MDGA2: variants seen among roughly 807,000 people sequenced by gnomAD.
MDGA2 encodes the protein MAM domain-containing glycosylphosphatidylinositol anchor protein 2.
A neutral mutation model predicts 117.8 loss-of-function variants in MDGA2; 40 were observed. The ratio of observed to expected loss-of-function variants is 0.34; its 90% CI spans 0.26 to 0.44. MDGA2 has a LOEUF of 0.44. Among genes scored for constraint, MDGA2 ranks in the 20% least tolerant of loss-of-function variants. MDGA2 has a pLI of 1.00. For missense variants in MDGA2, 1,123 were observed against 1,250.6 expected (o/e 0.90, Z 1.54); for synonymous variants, 452 against 439.0 (o/e 1.03, Z -0.37).
chr14:47,123,055 A>G (rs1881731441), intron 5 of MDGA2, among the ~76,000 whole-genome samples: 1 of 152,086 alleles, frequency 6.6e-6, no homozygotes, highest in South Asian at 2.1e-4. Flanking sequence ...GATGTTTGCT[A>G]AAACACAGAT....
At chr14:47,229,719 T>A (rs556000541) in intron 2 of MDGA2, among the ~76,000 whole-genome samples, 2 of 151,626 alleles carry the variant, frequency 1.3e-5, no homozygotes, top group East Asian at 3.9e-4. Flanking sequence ...AAAAAAAAAA[T>A]TAAACTGGGC....
chr14:46,929,624 TA>T (rs1566530277), intron 9 of MDGA2, among the ~76,000 whole-genome samples: 1,149 of 34,120 alleles, frequency 0.034, 205 homozygotes, highest in Non-Finnish European at 0.057. Context: ...TATATATATA[TA>T]TATATATATA....
At chr14:46,994,560 A>G (rs959031161) in intron 8 of MDGA2, among the ~76,000 whole-genome samples, 6 of 152,044 alleles carry the variant, frequency 3.9e-5, no homozygotes, top group Non-Finnish European at 5.9e-5. Context: ...ACTCAAATAC[A>G]TAAACACAGA....
chr14:47,162,417 C>G (rs1207993774), intron 3 of MDGA2, among the ~76,000 whole-genome samples: 2 of 152,086 alleles, frequency 1.3e-5, no homozygotes, highest in Non-Finnish European at 2.9e-5. Context: ...GAGTTGCTGT[C>G]TTCTTCTTTA....
chr14:47,465,598 A>G (rs1893587089), intron 1 of MDGA2, among the ~76,000 whole-genome samples: 1 of 152,214 alleles, frequency 6.6e-6, no homozygotes, highest in Non-Finnish European at 1.5e-5. Flanking sequence ...ATTACTGATC[A>G]TTAGAGAAAT....
intron 2 of MDGA2, among the ~76,000 whole-genome samples, chr14:47,278,376 G>T (rs147906487): frequency 6.9e-6 from 1 of 145,292 alleles, no homozygotes; most frequent in South Asian, 2.3e-4. Context: ...ATCAGATCAG[G>T]GTCATGAAGC....
intron 7 of MDGA2, 110 bp downstream of exon 7, chr14:47,061,139 T>C: frequency 9.9e-7 from 1 of 1,010,520 alleles, no homozygotes; most frequent in Non-Finnish European, 1.4e-6. Flanking sequence ...ATTTTGTTTT[T>C]AGGAAACTTA....
intron 1 of MDGA2, among the ~76,000 whole-genome samples, chr14:47,428,832 A>G (rs1257751284): frequency 6.6e-6 from 1 of 152,102 alleles, no homozygotes; most frequent in Middle Eastern, 3.2e-3. Flanking sequence ...ACACACACAC[A>G]CATACAAAAT....
chr14:47,518,757 T>A (rs1894807356), intron 1 of MDGA2, among the ~76,000 whole-genome samples: 1 of 152,214 alleles, frequency 6.6e-6, no homozygotes, highest in Non-Finnish European at 1.5e-5. Flanking sequence ...AGTATCAGTC[T>A]GCTTTATATA....
chr14:47,306,378 T>C (rs573281189), intron 1 of MDGA2, among the ~76,000 whole-genome samples: 14 of 152,244 alleles, frequency 9.2e-5, no homozygotes, highest in East Asian at 3.9e-4. Flanking sequence ...GCCCAATTCA[T>C]TGGGGGTGGA....
At chr14:47,047,046 G>A (rs1162343361) in intron 7 of MDGA2, among the ~76,000 whole-genome samples, 1 of 151,982 alleles carries the variant, frequency 6.6e-6, no homozygotes, top group Non-Finnish European at 1.5e-5. Context: ...AATATGCCTA[G>A]GACTAGGGGC....
At chr14:47,323,305 A>T (rs549994481) in intron 1 of MDGA2, among the ~76,000 whole-genome samples, 1 of 151,648 alleles carries the variant, frequency 6.6e-6, no homozygotes, top group African/African-American at 2.4e-5. Flanking sequence ...AGTAGATGTG[A>T]TGAAATTGAT....
chr14:47,033,495 G>A (rs1266738332), intron 8 of MDGA2, among the ~76,000 whole-genome samples: 2 of 152,034 alleles, frequency 1.3e-5, no homozygotes, highest in African/African-American at 4.8e-5. Flanking sequence ...GTCACTTAAG[G>A]GTATCTCATT....
intron 3 of MDGA2, among the ~76,000 whole-genome samples, chr14:47,181,737 C>G (rs542721233): frequency 9.9e-5 from 15 of 152,112 alleles, no homozygotes; most frequent in African/African-American, 3.6e-4. Context: ...TCTTTTTTCT[C>G]TCCTGATTTC....
At chr14:47,446,572 T>C (rs1893126946) in intron 1 of MDGA2, among the ~76,000 whole-genome samples, 1 of 152,012 alleles carries the variant, frequency 6.6e-6, no homozygotes, top group African/African-American at 2.4e-5. Context: ...GTGGGGAGTG[T>C]TGTCGGTGTA....
chr14:47,642,094 TA>T (rs1242180786), intron 1 of MDGA2, among the ~76,000 whole-genome samples: 1 of 152,070 alleles, frequency 6.6e-6, no homozygotes, highest in Non-Finnish European at 1.5e-5. Flanking sequence ...ATTCTCTCCC[TA>T]GGGGAACTTG....
At chr14:47,171,570 G>A (rs187561852) in intron 3 of MDGA2, among the ~76,000 whole-genome samples, 1 of 152,154 alleles carries the variant, frequency 6.6e-6, no homozygotes, top group Non-Finnish European at 1.5e-5. Context: ...AAGGGAAGTA[G>A]TTTCTTTCCT....
rs989275921 is a variant in MDGA2 at position 47,211,602 on chromosome 14, C to T, written c.595+6419G>A. Among the ~76,000 whole-genome samples, 4 of 152,192 alleles carry T rather than the reference C, an allele frequency of 2.6e-5. No homozygotes were observed. The South Asian group carries it at 8.3e-4, about 32-fold the overall frequency. The stretch of plus-strand genomic sequence containing the variant: ...TGAGGTAGATATTATCTTTACTATC[C>T]TGGTCAGGAAACAAATCTGCCCTCT... On this transcript the variant is annotated intron_variant, in intron 3 of 16. Coordinates refer to ENST00000399232, the MANE Select transcript of MDGA2 (RefSeq NM_001113498.3).
chr14:47,628,390 C>T (rs1270076345), intron 1 of MDGA2, among the ~76,000 whole-genome samples: 1 of 152,200 alleles, frequency 6.6e-6, no homozygotes, highest in Non-Finnish European at 1.5e-5. Flanking sequence ...CCACCCTAAA[C>T]TCAAGGCCTG....
Sources: allele counts gnomAD v4.1 joint callset (sites outside exome capture counted in the v4.1 genomes callset), GRCh38; gene constraint gnomAD v4.1.1; transcripts MANE v1.5; gene names NCBI Gene and HGNC (gene_info 2026-07-23, HGNC 2026-07-21).